The following PTPRD variants were observed in gnomAD, a reference collection of about 807,000 sequenced individuals.
The protein encoded by PTPRD is receptor-type tyrosine-protein phosphatase delta.
A neutral mutation model predicts 214.5 loss-of-function variants in PTPRD; 34 were observed. The ratio of observed to expected loss-of-function variants is 0.16; its 90% CI spans 0.12 to 0.21. The LOEUF (loss-of-function observed/expected upper bound fraction) is 0.21, where lower values mean the gene tolerates loss of function less well. PTPRD is among the 10% of genes least tolerant of loss of function. The pLI is 1.00. For missense variants in PTPRD, 2,545 were observed against 2,398.7 expected (o/e 1.06, Z -1.27); for synonymous variants, 1,128 against 845.7 (o/e 1.33, Z -5.79).
intron 9 of PTPRD, among the ~76,000 whole-genome samples, chr9:9,297,238 A>G (rs978459777): frequency 1.4e-4 from 21 of 151,706 alleles, no homozygotes; most frequent in African/African-American, 4.8e-4. Context: ...TCAGACTAGA[A>G]TTTATGATAA....
chr9:9,810,953 C>T (rs913819796), intron 5 of PTPRD, among the ~76,000 whole-genome samples: 7 of 151,516 alleles, frequency 4.6e-5, no homozygotes, highest in Admixed American at 2.0e-4. Flanking sequence ...AAAAGCAGTT[C>T]GCGGCCAGGT....
chr9:9,986,342 T>G (rs2095709621), intron 4 of PTPRD, among the ~76,000 whole-genome samples: 1 of 152,150 alleles, frequency 6.6e-6, no homozygotes, highest in African/African-American at 2.4e-5. Context: ...ATAGACTAAG[T>G]GTCTATCAAC....
chr9:10,477,461 C>A (rs1047131141), intron 2 of PTPRD, among the ~76,000 whole-genome samples: 1 of 151,996 alleles, frequency 6.6e-6, no homozygotes, highest in African/African-American at 2.4e-5. Flanking sequence ...GAATGGTGAT[C>A]ATTAAAAAGT....
chr9:8,918,452 A>G (rs1324957903), intron 11 of PTPRD, among the ~76,000 whole-genome samples: 1 of 152,122 alleles, frequency 6.6e-6, no homozygotes, highest in African/African-American at 2.4e-5. Context: ...AGTAAAAAAA[A>G]TTCAGCCCTT....
intron 5 of PTPRD, among the ~76,000 whole-genome samples, chr9:9,921,566 C>G (rs939592663): frequency 1.3e-5 from 2 of 150,566 alleles, no homozygotes; most frequent in African/African-American, 4.9e-5. Flanking sequence ...TTCAAGAGAA[C>G]TTACAAATTA....
chr9:9,191,946 T>C (rs543386121), intron 9 of PTPRD, among the ~76,000 whole-genome samples: 1 of 152,172 alleles, frequency 6.6e-6, no homozygotes, highest in South Asian at 2.1e-4. Context: ...GAAACATGGA[T>C]TTTTATTAGA....
At chr9:10,066,189 A>G (rs994645150) in intron 3 of PTPRD, among the ~76,000 whole-genome samples, 1 of 151,886 alleles carries the variant, frequency 6.6e-6, no homozygotes, top group African/African-American at 2.4e-5. Flanking sequence ...GGCAAAATAA[A>G]GCATACTTTG....
At chr9:10,263,777 C>T (rs890902036) in intron 3 of PTPRD, among the ~76,000 whole-genome samples, 64 of 152,126 alleles carry the variant, frequency 4.2e-4, no homozygotes, top group African/African-American at 1.5e-3. Context: ...ATCACCAAGA[C>T]AATGGTGAAA....
chr9:9,303,372 G>A (rs528674414), intron 9 of PTPRD, among the ~76,000 whole-genome samples: 1 of 152,086 alleles, frequency 6.6e-6, no homozygotes, highest in East Asian at 1.9e-4. Flanking sequence ...GACTACAGTT[G>A]ACAGTAGTAA....
Position 10,363,998 on chromosome 9 carries a change from T to TGTTGC in PTPRD, c.-599-22982_-599-22981insGCAAC, listed in dbSNP as rs71332737. ...TTGCCTCCACATTTTCGGGTTTTTT[T>TGTTGC]TTTTTTTTTTTTTTTTTTTGAGATG... is the stretch of plus-strand genomic sequence containing the variant. On this transcript the variant is annotated intron_variant, in intron 2 of 45. Coordinates refer to ENST00000381196, the MANE Select transcript of PTPRD (RefSeq NM_002839.4). 2.4e-3 allele frequency among the ~76,000 whole-genome samples: 121 copies of TGTTGC among 49,406 alleles called. 7 individuals are homozygous for TGTTGC. The highest frequency in any genetic ancestry group is 5.7e-3 in the Non-Finnish European group (73 of 12,800). The allele number at this position is 49,406 out of a possible 152,430, so 32.4% of individuals were successfully genotyped here.
intron 4 of PTPRD, among the ~76,000 whole-genome samples, chr9:10,002,819 C>A (rs567190050): frequency 2.0e-5 from 3 of 151,216 alleles, no homozygotes; most frequent in Non-Finnish European, 4.4e-5. Flanking sequence ...AATAACACTA[C>A]GAAATAGACC....
chr9:9,510,293 T>TA (rs1298100752), intron 8 of PTPRD, among the ~76,000 whole-genome samples: 1 of 151,718 alleles, frequency 6.6e-6, no homozygotes, highest in Non-Finnish European at 1.5e-5. Flanking sequence ...CTCTTTTTTT[T>TA]AACTGCATTC....
At chr9:8,414,928 GGGGAGAGAGAGAGAGA>G (rs1474931639) in intron 35 of PTPRD, among the ~76,000 whole-genome samples, 13 of 70,530 alleles carry the variant, frequency 1.8e-4, no homozygotes, top group African/African-American at 4.2e-4. Context: ...AGAGAGGGAG[GGGGAGAGAGAGAGAGA>G]GAGAGAGAGA....
chr9:9,542,014 T>C (rs1029092995), intron 8 of PTPRD, among the ~76,000 whole-genome samples: 1 of 151,490 alleles, frequency 6.6e-6, no homozygotes, highest in African/African-American at 2.4e-5. Context: ...GTCAACAAAA[T>C]AGAAAAGAGA....
chr9:9,594,629 G>A (rs189424773), intron 7 of PTPRD, among the ~76,000 whole-genome samples: 2 of 152,036 alleles, frequency 1.3e-5, no homozygotes, highest in Admixed American at 6.6e-5. Flanking sequence ...CCATTGGTCT[G>A]TGTGCCTATT....
chr9:10,069,665 G>T (rs1413114909), intron 3 of PTPRD, among the ~76,000 whole-genome samples: 3 of 151,868 alleles, frequency 2.0e-5, no homozygotes, highest in African/African-American at 4.8e-5. Context: ...AATACAAAAA[G>T]ATTTCAATTT....
At chr9:9,639,447 T>C (rs2095868276) in intron 7 of PTPRD, among the ~76,000 whole-genome samples, 1 of 152,216 alleles carries the variant, frequency 6.6e-6, no homozygotes, top group Non-Finnish European at 1.5e-5. Flanking sequence ...CTTCTGTTTC[T>C]CAAAAGGCAT....
intron 3 of PTPRD, among the ~76,000 whole-genome samples, chr9:10,309,320 CT>C (rs2096194596): frequency 6.6e-6 from 1 of 151,728 alleles, no homozygotes; most frequent in Admixed American, 6.6e-5. Flanking sequence ...TGAAACCCAA[CT>C]GATTTCTTTC....
chr9:8,338,551 T>A (rs975444984), intron 43 of PTPRD, among the ~76,000 whole-genome samples: 22 of 151,998 alleles, frequency 1.4e-4, no homozygotes, highest in African/African-American at 5.1e-4. Context: ...AACAACAACA[T>A]ATTTAGAGCC....
Sources: allele counts gnomAD v4.1 joint callset (sites outside exome capture counted in the v4.1 genomes callset), GRCh38; gene constraint gnomAD v4.1.1; transcripts MANE v1.5; gene names NCBI Gene and HGNC (gene_info 2026-07-23, HGNC 2026-07-21).